The following ADGRV1 variants were observed in gnomAD, a reference collection of about 807,000 sequenced individuals.
ADGRV1 encodes the protein G-protein coupled receptor 98.
A neutral mutation model predicts 596.2 loss-of-function variants in ADGRV1; 359 were observed. That is an observed-to-expected ratio of 0.60 (90% CI 0.55 to 0.66). ADGRV1 has a LOEUF of 0.66. ADGRV1 is among the 30% of genes least tolerant of loss of function. ADGRV1 has a pLI of 0.00. For missense variants in ADGRV1, 7,274 were observed against 7,575.6 expected (o/e 0.96, Z 1.48); for synonymous variants, 2,681 against 2,679.2 (o/e 1.00, Z -0.02).
chr5:90,787,870 C>T (rs1459326721), intron 67 of ADGRV1, among the ~76,000 whole-genome samples: 4 of 151,496 alleles, frequency 2.6e-5, no homozygotes, highest in African/African-American at 7.3e-5. Context: ...GGATCACAGG[C>T]GTGAGCCACC....
At chr5:90,849,711 A>G (rs1766290445) in intron 79 of ADGRV1, among the ~76,000 whole-genome samples, 1 of 152,184 alleles carries the variant, frequency 6.6e-6, no homozygotes, top group South Asian at 2.1e-4. Context: ...CCTAGGTCAC[A>G]AGACATACGA....
At chr5:90,885,173 GCT>G (rs1770159001) in intron 83 of ADGRV1, among the ~76,000 whole-genome samples, 1 of 152,098 alleles carries the variant, frequency 6.6e-6, no homozygotes. Flanking sequence ...AAAATCTTTA[GCT>G]CTCTGTAGAT....
At chr5:90,672,870 A>C (rs1293001016) in intron 22 of ADGRV1, 148 bp downstream of exon 22, 4 of 591,984 alleles carry the variant, frequency 6.8e-6, no homozygotes, top group Non-Finnish European at 8.7e-6. Flanking sequence ...ATTTGCTTCA[A>C]ACATGTCTGC....
chr5:91,095,293 A>G (rs1790758553), intron 86 of ADGRV1, among the ~76,000 whole-genome samples: 1 of 151,912 alleles, frequency 6.6e-6, no homozygotes, highest in East Asian at 1.9e-4. Flanking sequence ...TCCACCTCCC[A>G]GGCTCAAGAG....
chr5:91,123,842 A>T (rs781406547), intron 87 of ADGRV1, among the ~76,000 whole-genome samples: 11 of 152,186 alleles, frequency 7.2e-5, no homozygotes, highest in Non-Finnish European at 1.5e-4. Flanking sequence ...AACATGCAAA[A>T]ATGCCTGCCC....
chr5:90,837,966 A>T (rs1165542669), intron 77 of ADGRV1, among the ~76,000 whole-genome samples: 3 of 151,976 alleles, frequency 2.0e-5, no homozygotes, highest in Non-Finnish European at 4.4e-5. Context: ...AAGTAGTTCT[A>T]TTCTTATATA....
chr5:90,575,632 C>A (rs1023545000), intron 1 of ADGRV1, among the ~76,000 whole-genome samples: 1 of 152,186 alleles, frequency 6.6e-6, no homozygotes, highest in African/African-American at 2.4e-5. Flanking sequence ...CTAGACCAAT[C>A]CTGTCTCCAC....
At chr5:90,605,720 G>A (rs1762037769) in intron 1 of ADGRV1, among the ~76,000 whole-genome samples, 1 of 152,136 alleles carries the variant, frequency 6.6e-6, no homozygotes, top group South Asian at 2.1e-4. Flanking sequence ...ATTAGTTAGT[G>A]AGGAAACTAA....
intron 86 of ADGRV1, among the ~76,000 whole-genome samples, chr5:91,094,089 T>A (rs1410130553): frequency 6.6e-6 from 1 of 151,940 alleles, no homozygotes. Context: ...TGGCCTCCAG[T>A]GATCTGCCAG....
At chr5:91,133,219 C>T (rs1262940244) in intron 87 of ADGRV1, among the ~76,000 whole-genome samples, 1 of 152,172 alleles carries the variant, frequency 6.6e-6, no homozygotes, top group African/African-American at 2.4e-5. Context: ...TAGCAATGTA[C>T]TTGAAGAGAA....
intron 77 of ADGRV1, among the ~76,000 whole-genome samples, chr5:90,835,937 A>G (rs1232866381): frequency 3.3e-5 from 5 of 152,194 alleles, no homozygotes; most frequent in Admixed American, 1.3e-4. Context: ...ACAATAAACA[A>G]AAGTAGATTT....
At chr5:90,911,586 T>G (rs1221595019) in intron 83 of ADGRV1, among the ~76,000 whole-genome samples, 1 of 152,212 alleles carries the variant, frequency 6.6e-6, no homozygotes, top group Non-Finnish European at 1.5e-5. Flanking sequence ...TTTATTGATA[T>G]AAAACATATA....
intron 86 of ADGRV1, among the ~76,000 whole-genome samples, chr5:91,095,271 C>G (rs1790757007): frequency 6.6e-6 from 1 of 151,888 alleles, no homozygotes; most frequent in African/African-American, 2.4e-5. Flanking sequence ...GCACAGTCAG[C>G]TCACTGAAAC....
intron 83 of ADGRV1, among the ~76,000 whole-genome samples, chr5:90,889,876 T>C (rs1770645003): frequency 6.6e-6 from 1 of 152,162 alleles, no homozygotes; most frequent in Non-Finnish European, 1.5e-5. Flanking sequence ...AAGAGAGGGC[T>C]GATGGAGACT....
At chr5:91,129,095 A>G (rs1484502753) in intron 87 of ADGRV1, among the ~76,000 whole-genome samples, 1 of 152,226 alleles carries the variant, frequency 6.6e-6, no homozygotes, top group East Asian at 1.9e-4. Flanking sequence ...ATGTTTTCCT[A>G]TGGCATTTAT....
intron 2 of ADGRV1, among the ~76,000 whole-genome samples, chr5:90,616,934 A>G (rs1763443299): frequency 6.6e-6 from 1 of 151,952 alleles, no homozygotes; most frequent in African/African-American, 2.4e-5. Flanking sequence ...TCTACTCTCT[A>G]CCTCCATCAG....
rs201236317 is a variant in ADGRV1 at position 90,627,571 on chromosome 5, C to A, written c.1033C>A (p.Gln345Lys). 6.2e-4 allele frequency: 1,008 copies of A among 1,613,694 alleles called. 2 individuals carry two copies. The highest frequency in any genetic ancestry group is 8.0e-4 in the Admixed American group (48 of 59,984). The change falls in exon 7 of 90, where the codon CAA (glutamine) becomes AAA (lysine). Residue 345 changes from glutamine (Q) to lysine (K), a missense_variant. By Grantham distance (53) the Gln-to-Lys change is moderately conservative. Transcript: ENST00000405460. ...TATTCATGAATCTCACTTGAAATTT[C>A]AAATAGTTGATGACACCATACCGGA... ...PFIHESHLKF[Q>K]IVDDTIPEIA...
At chr5:90,889,469 T>G (rs1406742486) in intron 83 of ADGRV1, among the ~76,000 whole-genome samples, 2 of 152,102 alleles carry the variant, frequency 1.3e-5, no homozygotes, top group African/African-American at 4.8e-5. Context: ...TTTTCACTAC[T>G]AGAATATCCC....
intron 1 of ADGRV1, among the ~76,000 whole-genome samples, chr5:90,572,132 A>G (rs1756605754): frequency 6.6e-6 from 1 of 152,164 alleles, no homozygotes; most frequent in Non-Finnish European, 1.5e-5. Context: ...CTGATATAAA[A>G]ATAGTCTTTT....
Sources: allele counts gnomAD v4.1 joint callset (sites outside exome capture counted in the v4.1 genomes callset), GRCh38; gene constraint gnomAD v4.1.1; transcripts MANE v1.5; gene names NCBI Gene and HGNC (gene_info 2026-07-23, HGNC 2026-07-21).